The following COX17 variants were observed in gnomAD, a reference collection of about 807,000 sequenced individuals.
The protein encoded by COX17 is cytochrome c oxidase copper chaperone COX17.
Under a neutral mutation model 6.3 loss-of-function variants are expected in COX17, and 1 was observed. The ratio of observed to expected loss-of-function variants is 0.16; its 90% CI spans 0.06 to 0.75. COX17 has a LOEUF of 0.75. Among genes scored for constraint, COX17 ranks in the 30% least tolerant of loss-of-function variants. The pLI, the probability that COX17 is intolerant of heterozygous loss-of-function variation, is 0.77. For synonymous variants in COX17, 26 were observed against 30.5 expected (o/e 0.85, Z 0.49); for missense variants, 73 against 81.2 (o/e 0.90, Z 0.39).
downstream of COX17, among the ~76,000 whole-genome samples, chr3:119,667,909 G>A (rs1337502835): frequency 2.0e-5 from 3 of 152,082 alleles, no homozygotes; most frequent in African/African-American, 4.8e-5. Flanking sequence ...CCAATTCCTA[G>A]AACGGCATCT....
chr3:119,670,747 C>G (rs1034163336), intron 2 of COX17, among the ~76,000 whole-genome samples: 1 of 98,910 alleles, frequency 1.0e-5, no homozygotes, highest in Admixed American at 1.2e-4. Context: ...CATACATGAT[C>G]AGTTTTGTGT....
At chr3:119,671,706 T>C (rs752717511) in intron 2 of COX17, among the ~76,000 whole-genome samples, 8 of 152,174 alleles carry the variant, frequency 5.3e-5, no homozygotes, top group Non-Finnish European at 8.8e-5. Flanking sequence ...ATCCTAAAAA[T>C]GAATATGTTG....
At position 119,670,749 on chromosome 3, in the gene COX17, GTT is replaced by G. The variant is rs959476787; in HGVS notation, c.*5-1086_*5-1085del. Among the ~76,000 whole-genome samples, 61 of 81,726 alleles carry G rather than the reference GTT, an allele frequency of 7.5e-4. 1 individual carries two copies. The highest frequency in any genetic ancestry group is 4.9e-3 in the South Asian group (10 of 2,034). 53.6% of individuals were successfully genotyped at this position (81,726 alleles called of 152,430 possible). A position where few individuals can be genotyped will look rare whatever the true frequency, so the allele number is the denominator to read the frequency against. On this transcript the variant is annotated intron_variant, in intron 2 of 2. Transcript: ENST00000261070. ...CTTGGGATATTTTCATACATGATCA[GTT>G]TTGTGTGTGTGTGTGTGTGTGTGTG... is the stretch of plus-strand genomic sequence containing the variant.
intron 3 of COX17, among the ~76,000 whole-genome samples, chr3:119,664,430 G>C (rs2052975570): frequency 6.6e-6 from 1 of 151,100 alleles, no homozygotes; most frequent in African/African-American, 2.4e-5. Flanking sequence ...AGATGAGTAG[G>C]TTTTCCCCAG....
At chr3:119,666,070 C>T (rs1577177496), downstream of COX17, among the ~76,000 whole-genome samples, 1 of 152,302 alleles carries the variant, frequency 6.6e-6, no homozygotes, top group African/African-American at 2.4e-5. Flanking sequence ...TTACCTCTTC[C>T]TCAATTGTGA....
intron 2 of COX17, among the ~76,000 whole-genome samples, chr3:119,672,526 G>A (rs1222189762): frequency 6.6e-6 from 1 of 152,100 alleles, no homozygotes; most frequent in Non-Finnish European, 1.5e-5. Context: ...CACAACTGAC[G>A]AGGGAGTTAG....
rs544974066 is a variant in COX17 at position 119,670,973 on chromosome 3, G to A, written c.*5-1308C>T. Among the ~76,000 whole-genome samples, 3 of 152,192 alleles carry A rather than the reference G, an allele frequency of 2.0e-5. No individual in the cohort carries two copies. In the South Asian group the frequency reaches 6.2e-4, roughly 32 times the overall value. On this transcript the variant is annotated intron_variant, in intron 2 of 2. Transcript: ENST00000261070. Reference sequence around the variant, plus strand: ...CCATCTATTTCCTCATATTTCTAATGAGGTTCTAGGTTCTTCTAATTACTC... The same window carrying A: ...CCATCTATTTCCTCATATTTCTAATAAGGTTCTAGGTTCTTCTAATTACTC...
intron 2 of COX17, 51 bp downstream of exon 2, chr3:119,675,094 A>G (rs2107835551): frequency 5.5e-6 from 7 of 1,264,684 alleles, no homozygotes; most frequent in South Asian, 1.2e-5. Context: ...ATGTAGCCCA[A>G]TTGTTGCTAA....
chr3:119,670,780 G>A (rs374823103), intron 2 of COX17, among the ~76,000 whole-genome samples: 2 of 133,534 alleles, frequency 1.5e-5, no homozygotes, highest in East Asian at 5.2e-4. Context: ...GTGTGTGTGT[G>A]TGTGTGTACA....
chr3:119,675,129 G>A lies in COX17; in HGVS notation c.*4+16C>T, dbSNP rs372254420. 45 of 1,576,792 alleles carry A rather than the reference G, an allele frequency of 2.9e-5. No homozygotes were observed. Among genetic ancestry groups the A allele is most frequent in the Non-Finnish European group, 3.7e-5 (43 of 1,147,044 alleles). ...AATCTGTAAAGCAATACACAACTTT[G>A]AAGCAAGAAGCTTACCATTTCATAT... On this transcript the variant is annotated intron_variant, in intron 2 of 2. Coordinates refer to ENST00000261070, the MANE Select transcript of COX17 (RefSeq NM_005694.2).
chr3:119,668,571 A>G (rs2053014567), downstream of COX17, among the ~76,000 whole-genome samples: 1 of 151,638 alleles, frequency 6.6e-6, no homozygotes, highest in Non-Finnish European at 1.5e-5. Flanking sequence ...GCTGAGAAAA[A>G]CAGACCCAAA....
At chr3:119,676,997 C>T (rs1249609973) in intron 1 of COX17, 1 of 647,598 alleles carries the variant, frequency 1.5e-6, no homozygotes, top group Non-Finnish European at 2.8e-6. Context: ...CTCCAGAGCG[C>T]CGCAATGGGG....
downstream of COX17, among the ~76,000 whole-genome samples, chr3:119,667,213 T>G (rs2053000669): frequency 6.6e-6 from 1 of 152,182 alleles, no homozygotes; most frequent in Admixed American, 6.5e-5. Flanking sequence ...AGAGGTGCAT[T>G]AGAATGTGGT....
At chr3:119,668,037 T>C (rs2053009751), downstream of COX17, among the ~76,000 whole-genome samples, 1 of 152,182 alleles carries the variant, frequency 6.6e-6, no homozygotes, top group Admixed American at 6.5e-5. Context: ...AATTTATACA[T>C]AGTCAATACA....
At chr3:119,665,821 C>T (rs1168011299), downstream of COX17, among the ~76,000 whole-genome samples, 1 of 152,198 alleles carries the variant, frequency 6.6e-6, no homozygotes, top group Admixed American at 6.5e-5. Context: ...TTGAAAGCAT[C>T]CTAATTCAGA....
intron 2 of COX17, among the ~76,000 whole-genome samples, chr3:119,670,752 T>TTGTGTGTGTGTGTGTGTGTG (rs10542008): frequency 2.0e-5 from 3 of 149,602 alleles, no homozygotes; most frequent in African/African-American, 5.0e-5. Context: ...ATGATCAGTT[T>TTGTGTGTGTGTGTGTGTGTG]TGTGTGTGTG....
At chr3:119,664,197 A>T (rs964806580) in intron 3 of COX17, among the ~76,000 whole-genome samples, 3 of 152,220 alleles carry the variant, frequency 2.0e-5, no homozygotes, top group Non-Finnish European at 4.4e-5. Flanking sequence ...ATCCATAGGG[A>T]CTTTTACTAT....
downstream of COX17, among the ~76,000 whole-genome samples, chr3:119,667,736 G>C (rs193300915): frequency 3.7e-4 from 55 of 147,636 alleles, no homozygotes; most frequent in African/African-American, 8.7e-4. Flanking sequence ...CACAGAGAGA[G>C]AGAGACAGAG....
At chr3:119,675,448 A>T in intron 1 of COX17, 2 of 512,964 alleles carry the variant, frequency 3.9e-6, no homozygotes, top group Non-Finnish European at 7.0e-6. Context: ...TTGGGGGGGA[A>T]ATCTGATAAG....
Sources: gnomAD v4.1 joint callset for allele counts (sites outside exome capture counted in the v4.1 genomes callset) on GRCh38, gnomAD v4.1.1 for gene constraint, MANE v1.5 for transcripts, NCBI Gene and HGNC (gene_info 2026-07-23, HGNC 2026-07-21) for gene names.